XCL1: variants seen among roughly 807,000 people sequenced by gnomAD.
XCL1 encodes the protein lymphotactin.
XCL1 carries 6 observed loss-of-function variants against 7.4 expected under a neutral mutation model. The ratio of observed to expected loss-of-function variants is 0.82; its 90% CI spans 0.45 to 1.61. The LOEUF is 1.61. Ranked by LOEUF, XCL1 falls within the 40% of genes most tolerant of loss-of-function variation. XCL1 has a pLI of 0.01. For missense variants in XCL1, 122 were observed against 138.2 expected, an observed-to-expected ratio of 0.88 and a Z score of 0.59; for synonymous variants, 48 against 52.4, an observed-to-expected ratio of 0.92 and a Z score of 0.36.
At position 168,581,049 on chromosome 1, in the gene XCL1, C is replaced by T. The variant is rs1184063174; in HGVS notation, c.177-3C>T. ...CTTCGTCTGTCTTTTCCTTGCGTTA[C>T]AGTTTTATTACCAAACGTGGCCTAA... is the stretch of plus-strand genomic sequence containing the variant. On this transcript the variant is annotated splice_polypyrimidine_tract_variant and splice_region_variant and intron_variant, in intron 2 of 2. Transcript: ENST00000367818. The T allele has an allele frequency of 1.2e-6, 2 of 1,613,306 alleles. No homozygotes were observed. The highest frequency in any genetic ancestry group is 1.7e-6 in the Non-Finnish European group (2 of 1,179,428).
intron 1 of XCL1, chr1:168,579,336 C>A (rs4656157): frequency 4.8e-6 from 1 of 210,222 alleles, no homozygotes; most frequent in Non-Finnish European, 9.7e-6. Flanking sequence ...AACTCTTAGG[C>A]CTTTTCTCAC....
chr1:168,580,011 T>C (rs1397227583), intron 1 of XCL1, 52 bp from the exon 2 acceptor site: 51 of 1,549,474 alleles, frequency 3.3e-5, no homozygotes, highest in Non-Finnish European at 4.5e-5. Flanking sequence ...GTTCCTGTGA[T>C]CTGGATAATT....
In XCL1 at chr1:168,576,807, G is replaced by C. The variant is rs569137425; in HGVS notation, c.61+109G>C. Reference sequence around the variant, plus strand: ...CTGGACTAACCTGCTTTCCCCAGGGGAGCCTTAAACTTCCCATGTGCAAGA... The same window carrying C: ...CTGGACTAACCTGCTTTCCCCAGGGCAGCCTTAAACTTCCCATGTGCAAGA... On this transcript the variant is annotated intron_variant, in intron 1 of 2. Transcript: ENST00000367818. 5 of 1,502,568 alleles carry C rather than the reference G, an allele frequency of 3.3e-6. No individual in the cohort carries two copies. The African/African-American group carries it at 4.2e-5, about 12-fold the overall frequency. 93.1% of individuals were successfully genotyped at this position (1,502,568 alleles called of 1,614,324 possible).
intron 1 of XCL1, among the ~76,000 whole-genome samples, chr1:168,577,506 A>C (rs768252608): frequency 4.6e-5 from 7 of 152,180 alleles, no homozygotes; most frequent in Non-Finnish European, 1.0e-4. Context: ...GTATTTCTTA[A>C]GGATTAATTT....
chr1:168,579,966 C>T, intron 1 of XCL1, 97 bp from the exon 2 acceptor site: 2 of 1,281,230 alleles, frequency 1.6e-6, no homozygotes, highest in South Asian at 1.8e-5. Context: ...GCCTTAAATT[C>T]TCACAACATT....
At position 168,580,035 on chromosome 1, in the gene XCL1, TTGTC is replaced by T. The variant is rs773024453; in HGVS notation, c.62-24_62-21del. On this transcript the variant is annotated intron_variant, in intron 1 of 2. Transcript: ENST00000367818. Reference sequence around the variant, plus strand: ...ATCTGGATAATTGCTTTATTTTTAATTGTCTGTTGTTTTTTTTTCCTCACCAGGT... The same window carrying T: ...ATCTGGATAATTGCTTTATTTTTAATTGTTGTTTTTTTTTCCTCACCAGGT... 1.1e-5 allele frequency: 17 copies of T among 1,592,972 alleles called. No homozygotes were observed. The African/African-American group carries it at 1.5e-4, about 14-fold the overall frequency.
Position 168,579,179 on chromosome 1 carries a change from T to C in XCL1, c.62-884T>C, listed in dbSNP as rs143285447. On this transcript the variant is annotated intron_variant, in intron 1 of 2. Transcript: ENST00000367818. ...AGTAGCTGTTTGGGGGTCTAAGGCTTGGGTGAACTGGTTAATGGCAGAAGG... is the reference window on the plus strand; with the variant it reads ...AGTAGCTGTTTGGGGGTCTAAGGCTCGGGTGAACTGGTTAATGGCAGAAGG... The C allele has an allele frequency of 8.0e-4, 316 of 394,930 alleles. 1 individual carries two copies. In the East Asian group the frequency reaches 0.018, roughly 23 times the overall value. The allele number at this position is 394,930 out of a possible 1,614,324, so 24.5% of individuals were successfully genotyped here.
rs186618740 is a variant in XCL1, at chr1:168,580,292, A to G, written c.176+115A>G. Reference sequence around the variant, plus strand: ...TAGGTCAGCATAGAGGAACACCTCAACTTAACCAAAAACCTCTTTAGTTTT... The same window carrying G: ...TAGGTCAGCATAGAGGAACACCTCAGCTTAACCAAAAACCTCTTTAGTTTT... On this transcript the variant is annotated intron_variant, in intron 2 of 2. Coordinates refer to ENST00000367818, the MANE Select transcript of XCL1 (RefSeq NM_002995.3). 520 of 1,157,240 alleles carry G rather than the reference A, an allele frequency of 4.5e-4. No individual in the cohort carries two copies. The East Asian group carries it at 0.011, about 25-fold the overall frequency. 71.7% of individuals were successfully genotyped at this position (1,157,240 alleles called of 1,614,324 possible). A position where few individuals can be genotyped will look rare whatever the true frequency, so the allele number is the denominator to read the frequency against.
chr1:168,578,970 C>A (rs1655089985), intron 1 of XCL1: 2 of 393,142 alleles, frequency 5.1e-6, no homozygotes, highest in African/African-American at 2.1e-5. Flanking sequence ...ATGTGCAATA[C>A]CAGCTGAGCC....
chr1:168,578,486 A>G (rs1237041819), intron 1 of XCL1, among the ~76,000 whole-genome samples: 1 of 152,222 alleles, frequency 6.6e-6, no homozygotes, highest in Non-Finnish European at 1.5e-5. Context: ...CTTGCAATGT[A>G]AGATGATTCT....
At chr1:168,580,015 G>C in intron 1 of XCL1, 48 bp from the exon 2 acceptor site, 2 of 1,571,818 alleles carry the variant, frequency 1.3e-6, no homozygotes, top group African/African-American at 2.7e-5. Flanking sequence ...CTGTGATCTG[G>C]ATAATTGCTT....
Position 168,580,073 on chromosome 1 carries a change from T to A in XCL1, c.72T>A (p.Ser24Arg). The change falls in exon 2 of 3, where the codon AGT (serine) becomes AGA (arginine). Residue 24 changes from serine (S) to arginine (R), a missense_variant. Physicochemically the swap from Ser to Arg is moderately radical, Grantham distance 110 (BLOSUM62 -1). Coordinates refer to ENST00000367818, the MANE Select transcript of XCL1 (RefSeq NM_002995.3). Reference protein sequence around the residue: ...LTAYIVEGVGSEVSDKRTCVS... With the variant: ...LTAYIVEGVGREVSDKRTCVS... ...TTTTTTCCTCACCAGGTGTAGGGAG[T>A]GAAGTCTCAGATAAGAGGACCTGTG... 6.2e-7 allele frequency: 1 copy of A among 1,613,068 alleles called. No individual in the cohort carries two copies. Among genetic ancestry groups the A allele is most frequent in the Non-Finnish European group, 8.5e-7 (1 of 1,179,462 alleles).
chr1:168,580,093 C>G lies in XCL1; in HGVS notation c.92C>G (p.Thr31Ser). The G allele has an allele frequency of 6.2e-7, 1 of 1,613,636 alleles. No homozygotes were observed. The highest frequency in any genetic ancestry group is 8.5e-7 in the Non-Finnish European group (1 of 1,179,770). ...GGGAGTGAAGTCTCAGATAAGAGGA[C>G]CTGTGTGAGCCTCACTACCCAGCGA... ...GVGSEVSDKR[T>S]CVSLTTQRLP... The change falls in exon 2 of 3, where the codon ACC (threonine) becomes AGC (serine). Residue 31 changes from threonine (T) to serine (S), a missense_variant. Coordinates refer to ENST00000367818, the MANE Select transcript of XCL1 (RefSeq NM_002995.3).
At position 168,580,103 on chromosome 1, in the gene XCL1, C is replaced by T; in HGVS notation, c.102C>T (p.Ser34=). The change falls in exon 2 of 3, where the codon AGC becomes AGT. Residue 34 remains serine, a synonymous_variant. Coordinates refer to ENST00000367818, the MANE Select transcript of XCL1 (RefSeq NM_002995.3). The stretch of plus-strand genomic sequence containing the variant: ...TCTCAGATAAGAGGACCTGTGTGAG[C>T]CTCACTACCCAGCGACTGCCGGTTA... The part of the protein sequence containing the change: ...SEVSDKRTCV[S]LTTQRLPVSR... 6.2e-7 allele frequency: 1 copy of T among 1,613,892 alleles called. No homozygotes were observed. Among genetic ancestry groups the T allele is most frequent in the Non-Finnish European group, 8.5e-7 (1 of 1,179,844 alleles).
chr1:168,578,365 C>A (rs776198611), intron 1 of XCL1, among the ~76,000 whole-genome samples: 1 of 152,164 alleles, frequency 6.6e-6, no homozygotes, highest in Non-Finnish European at 1.5e-5. Flanking sequence ...GCCTATTTCC[C>A]TGGGAAGCAA....
At position 168,581,072 on chromosome 1, in the gene XCL1, T is replaced by C. The variant is rs1454492864; in HGVS notation, c.197T>C (p.Leu66Pro). ...TACAGTTTTATTACCAAACGTGGCC[T>C]AAAAGTCTGTGCTGATCCACAAGCC... ...RAVIFITKRG[L>P]KVCADPQATW... The change falls in exon 3 of 3, where the codon CTA (leucine) becomes CCA (proline). Residue 66 changes from leucine to proline, a missense_variant. Transcript: ENST00000367818. The C allele has an allele frequency of 6.2e-7, 1 of 1,613,682 alleles. No homozygotes were observed. Among genetic ancestry groups the C allele is most frequent in the Non-Finnish European group, 8.5e-7 (1 of 1,179,704 alleles).
chr1:168,577,480 C>G (rs1264793412), intron 1 of XCL1, among the ~76,000 whole-genome samples: 1 of 152,148 alleles, frequency 6.6e-6, no homozygotes, highest in Non-Finnish European at 1.5e-5. Flanking sequence ...CGAGCCCTTA[C>G]CTGAGCATTC....
chr1:168,581,758 C>CT lies in XCL1; in HGVS notation c.*541dup, dbSNP rs1158970630. ...TTGCTTCACTCAATTTTTTTCACCT[C>CT]TTTGTGTTTTATTTTGGTGTCCTAT... On this transcript the variant is annotated 3_prime_UTR_variant, in exon 3 of 3. Transcript: ENST00000367818. 6.6e-6 allele frequency: 1 copy of CT among 152,214 alleles called. No homozygotes were observed. The highest frequency in any genetic ancestry group is 2.4e-5 in the African/African-American group (1 of 41,446). 9.4% of individuals were successfully genotyped at this position (152,214 alleles called of 1,614,324 possible). A position where few individuals can be genotyped will look rare whatever the true frequency, so the allele number is the denominator to read the frequency against.
At chr1:168,577,997 T>G (rs564162667) in intron 1 of XCL1, among the ~76,000 whole-genome samples, 1 of 152,200 alleles carries the variant, frequency 6.6e-6, no homozygotes, top group African/African-American at 2.4e-5. Flanking sequence ...CAAACATTGC[T>G]GACAATAAGG....
Sources: allele counts gnomAD v4.1 joint callset (sites outside exome capture counted in the v4.1 genomes callset), GRCh38; gene constraint gnomAD v4.1.1; transcripts MANE v1.5; gene names NCBI Gene and HGNC (gene_info 2026-07-23, HGNC 2026-07-21).